The following ERC1 variants were observed in gnomAD, a reference collection of about 807,000 sequenced individuals.
ERC1 encodes ELKS/RAB6-interacting/CAST family member 1.
In ERC1, 56 loss-of-function variants were observed where a neutral mutation model predicts 132.0. The observed-to-expected ratio is 0.42, with a 90% CI of 0.34 to 0.53. ERC1 has a LOEUF of 0.53. ERC1 is among the 20% of genes least tolerant of loss of function. The pLI, the probability that ERC1 is intolerant of heterozygous loss-of-function variation, is 0.03. For synonymous variants in ERC1, 478 were observed against 476.1 expected (o/e 1.00, Z -0.05); for missense variants, 1,202 against 1,349.9 (o/e 0.89, Z 1.72).
In ERC1 at chr12:1,140,499, A is replaced by G. The variant is rs138284258; in HGVS notation, c.1570-1121A>G. On this transcript the variant is annotated intron_variant, in intron 7 of 18. Coordinates refer to ENST00000360905, the MANE Select transcript of ERC1 (RefSeq NM_178040.4). ...CCTTTAAGTGTCGTGTCAGTGCTCA[A>G]AAAGTTCTGGAGTTTGGAGCATTTT... Among the ~76,000 whole-genome samples the G allele has an allele frequency of 5.3e-3, 808 of 152,290 alleles. 4 individuals are homozygous for G. Among genetic ancestry groups the G allele is most frequent in the South Asian group, 0.012 (58 of 4,826 alleles).
At chr12:1,075,774 C>G (rs893211721) in intron 2 of ERC1, among the ~76,000 whole-genome samples, 1 of 152,088 alleles carries the variant, frequency 6.6e-6, no homozygotes, top group African/African-American at 2.4e-5. Context: ...AATACACTTA[C>G]TATTCATTAA....
At chr12:1,143,023 C>T (rs998424632) in intron 8 of ERC1, among the ~76,000 whole-genome samples, 1 of 152,094 alleles carries the variant, frequency 6.6e-6, no homozygotes, top group South Asian at 2.1e-4. Context: ...CTCAGCCTCC[C>T]AAGTAGCTGG....
chr12:1,351,919 A>T lies in ERC1; in HGVS notation c.2781-19914A>T, dbSNP rs537042449. Among the ~76,000 whole-genome samples, 12 of 152,282 alleles carry T rather than the reference A, an allele frequency of 7.9e-5. No individual in the cohort carries two copies. The South Asian group carries it at 1.7e-3, about 21-fold the overall frequency. On this transcript the variant is annotated intron_variant, in intron 15 of 18. Transcript: ENST00000360905. ...ATTCTCTTAATATTTGAATATTTAA[A>T]CACATATTATTTATAAATTAATGGT...
At chr12:1,414,617 G>T (rs574733017) in intron 17 of ERC1, among the ~76,000 whole-genome samples, 1 of 152,226 alleles carries the variant, frequency 6.6e-6, no homozygotes, top group South Asian at 2.1e-4. Flanking sequence ...GATTTCCTAT[G>T]TAAGTTAGTT....
intron 4 of ERC1, 64 bp from the exon 5 acceptor site, chr12:1,110,128 A>C: frequency 7.4e-7 from 1 of 1,343,602 alleles, no homozygotes; most frequent in Non-Finnish European, 1.0e-6. Context: ...TTTAAATATC[A>C]TGTTATTCAG....
At chr12:1,396,921 AAAG>A (rs1452009181) in intron 16 of ERC1, among the ~76,000 whole-genome samples, 1 of 152,176 alleles carries the variant, frequency 6.6e-6, no homozygotes, top group Non-Finnish European at 1.5e-5. Context: ...GACAGATGAC[AAAG>A]AAGCTTTTCT....
chr12:1,283,689 C>A (rs1353608803), intron 14 of ERC1, among the ~76,000 whole-genome samples: 1 of 152,182 alleles, frequency 6.6e-6, no homozygotes, highest in African/African-American at 2.4e-5. Context: ...GAGGGTCTCA[C>A]ACTCAAATGG....
chr12:1,440,454 C>T (rs1361136476), intron 17 of ERC1, among the ~76,000 whole-genome samples: 24 of 150,948 alleles, frequency 1.6e-4, no homozygotes, highest in Non-Finnish European at 3.1e-4. Context: ...GATCTGCCCT[C>T]CTTGGCCTCC....
rs60132822 is a variant in ERC1 at position 1,172,320 on chromosome 12, C to CGGCTG, written c.1738-8217_1738-8213dup. On this transcript the variant is annotated intron_variant, in intron 8 of 18. Transcript: ENST00000360905. ...CTTCATCTCTACAAAAATTAAAAAT[C>CGGCTG]GGCTGGGTGTGGTGGCATGCATTTG... Among the ~76,000 whole-genome samples, 757 of 152,060 alleles carry CGGCTG rather than the reference C, an allele frequency of 5.0e-3. 6 individuals carry two copies. The highest frequency in any genetic ancestry group is 0.017 in the African/African-American group (711 of 41,474).
chr12:1,335,890 G>C (rs2083273117), intron 15 of ERC1, among the ~76,000 whole-genome samples: 1 of 151,852 alleles, frequency 6.6e-6, no homozygotes, highest in Non-Finnish European at 1.5e-5. Context: ...TATTTGGTTG[G>C]TTGGTTGGTT....
At chr12:1,428,236 AC>A (rs2092696164) in intron 17 of ERC1, among the ~76,000 whole-genome samples, 1 of 152,210 alleles carries the variant, frequency 6.6e-6, no homozygotes, top group Non-Finnish European at 1.5e-5. Context: ...TTCACGTATT[AC>A]TTGTTTCCCA....
At chr12:1,030,231 A>G (rs1264453340) in intron 2 of ERC1, among the ~76,000 whole-genome samples, 4 of 152,188 alleles carry the variant, frequency 2.6e-5, no homozygotes, top group Non-Finnish European at 4.4e-5. Flanking sequence ...TGTTGGTATT[A>G]CACTTTATTT....
intron 16 of ERC1, among the ~76,000 whole-genome samples, chr12:1,396,419 A>T (rs1026622075): frequency 1.3e-5 from 2 of 152,204 alleles, no homozygotes; most frequent in African/African-American, 4.8e-5. Flanking sequence ...TTCAACAAAC[A>T]TATAAAGGAT....
rs57837323 is a variant in ERC1, at chr12:1,395,407, GTTT to G, written c.2926-12729_2926-12727del. Among the ~76,000 whole-genome samples, 75 of 141,800 alleles carry G rather than the reference GTTT, an allele frequency of 5.3e-4. 1 individual carries two copies. The highest frequency in any genetic ancestry group is 3.6e-3 in the Middle Eastern group (1 of 274). 93.0% of individuals were successfully genotyped at this position (141,800 alleles called of 152,430 possible). A position where few individuals can be genotyped will look rare whatever the true frequency, so the allele number is the denominator to read the frequency against. On this transcript the variant is annotated intron_variant, in intron 16 of 18. Coordinates refer to ENST00000360905, the MANE Select transcript of ERC1 (RefSeq NM_178040.4). The stretch of plus-strand genomic sequence containing the variant: ...TTAGGAGTGGAATAGAAATTTTGTA[GTTT>G]TTTTTTTTTTTTCAGTTTTAAAATG...
intron 18 of ERC1, among the ~76,000 whole-genome samples, chr12:1,452,393 AT>A (rs1243831144): frequency 1.3e-5 from 2 of 152,066 alleles, no homozygotes; most frequent in African/African-American, 2.4e-5. Flanking sequence ...CAACCATTTG[AT>A]GATAATGTAC....
chr12:1,143,967 T>C (rs1488059691), intron 8 of ERC1, among the ~76,000 whole-genome samples: 1 of 152,166 alleles, frequency 6.6e-6, no homozygotes, highest in Non-Finnish European at 1.5e-5. Context: ...GTTTGGATTT[T>C]TTTTTAGTTT....
chr12:1,218,998 G>T (rs1202751926), intron 12 of ERC1, among the ~76,000 whole-genome samples: 9 of 151,878 alleles, frequency 5.9e-5, no homozygotes, highest in Admixed American at 3.9e-4. Flanking sequence ...TCAGCCTCCT[G>T]AGTAGCTGGG....
intron 16 of ERC1, 93 bp downstream of exon 16, chr12:1,372,070 G>GAGAC: frequency 7.3e-7 from 1 of 1,373,738 alleles, no homozygotes; most frequent in Non-Finnish European, 9.8e-7. Context: ...AAGGTCTCAT[G>GAGAC]TTTCATATTA....
rs529691197 is a variant in ERC1, at chr12:1,221,177, G to T, written c.2352-15592G>T. Among the ~76,000 whole-genome samples, 91 of 152,128 alleles carry T rather than the reference G, an allele frequency of 6.0e-4. 1 individual carries two copies. The highest frequency in any genetic ancestry group is 2.1e-3 in the African/African-American group (87 of 41,500). ...CCGTTTTGTTCACGGCCATATTTTC[G>T]AAGATAGCACCTGGCCCATAGAAGC... On this transcript the variant is annotated intron_variant, in intron 12 of 18. Transcript: ENST00000360905.
Sources: gnomAD v4.1 joint callset for allele counts (sites outside exome capture counted in the v4.1 genomes callset) on GRCh38, gnomAD v4.1.1 for gene constraint, MANE v1.5 for transcripts, NCBI Gene and HGNC (gene_info 2026-07-23, HGNC 2026-07-21) for gene names.